The following HCRTR2 variants were observed in gnomAD, a reference collection of about 807,000 sequenced individuals.
The protein encoded by HCRTR2 is hypocretin receptor 2.
A neutral mutation model predicts 49.0 loss-of-function variants in HCRTR2; 22 were observed. That is an observed-to-expected ratio of 0.45 (90% CI 0.32 to 0.64). HCRTR2 has a LOEUF of 0.64. HCRTR2 is among the 30% of genes least tolerant of loss of function. The probability of loss-of-function intolerance (pLI) is 0.04; values close to 1 mark genes in which losing one functional copy is unlikely to be tolerated. For synonymous variants in HCRTR2, 236 were observed against 205.3 expected (o/e 1.15, Z -1.28); for missense variants, 491 against 559.4 (o/e 0.88, Z 1.23).
intron 4 of HCRTR2, among the ~76,000 whole-genome samples, chr6:55,270,897 G>A (rs928624548): frequency 1.3e-5 from 2 of 152,076 alleles, no homozygotes; most frequent in Non-Finnish European, 2.9e-5. Context: ...AAAACTTAAA[G>A]AAGGACTACC....
intron 1 of HCRTR2, among the ~76,000 whole-genome samples, chr6:55,184,353 T>C (rs1765182278): frequency 6.6e-6 from 1 of 152,248 alleles, no homozygotes; most frequent in Admixed American, 6.5e-5. Flanking sequence ...ATCATTTTTA[T>C]GATTAGTTAC....
chr6:55,273,318 G>A (rs1767011000), intron 4 of HCRTR2, among the ~76,000 whole-genome samples: 1 of 152,038 alleles, frequency 6.6e-6, no homozygotes, highest in East Asian at 1.9e-4. Context: ...GATGAAATGG[G>A]TAATAGGTTA....
intron 1 of HCRTR2, among the ~76,000 whole-genome samples, chr6:55,146,385 G>T (rs1322572073): frequency 6.6e-6 from 1 of 151,982 alleles, no homozygotes; most frequent in Non-Finnish European, 1.5e-5. Flanking sequence ...TACTAAAAAA[G>T]ACTTGCAGGC....
At chr6:55,205,124 A>G (rs9464206) in intron 1 of HCRTR2, among the ~76,000 whole-genome samples, 4,215 of 152,212 alleles carry the variant, frequency 0.028, 187 homozygotes, top group African/African-American at 0.096. Flanking sequence ...CTATTCGATA[A>G]CCAAGTAAAG....
intron 1 of HCRTR2, among the ~76,000 whole-genome samples, chr6:55,218,573 T>C (rs1008143656): frequency 6.6e-6 from 1 of 152,192 alleles, no homozygotes; most frequent in Non-Finnish European, 1.5e-5. Flanking sequence ...AAGAAAGTAT[T>C]CCATGTGAAT....
rs754234496 is a variant in HCRTR2 at position 55,108,711 on chromosome 6, G to T, written c.-378+2166G>T. Among the ~76,000 whole-genome samples, 70 of 152,122 alleles carry T rather than the reference G, an allele frequency of 4.6e-4. 1 individual carries two copies. The highest frequency in any genetic ancestry group is 8.5e-4 in the Non-Finnish European group (58 of 67,988). Reference sequence around the variant, plus strand: ...CTGACTTTATTTCACAGGTGTCCTTGGGGAGGGCTGCCAGTGGAATTGGGG... The same window carrying T: ...CTGACTTTATTTCACAGGTGTCCTTTGGGAGGGCTGCCAGTGGAATTGGGG... On this transcript the variant is annotated intron_variant, in intron 1 of 7. Transcript: ENST00000615358.
chr6:55,181,881 CATAAA>C (rs1299665244), intron 1 of HCRTR2, among the ~76,000 whole-genome samples: 1 of 152,150 alleles, frequency 6.6e-6, no homozygotes, highest in African/African-American at 2.4e-5. Context: ...ACTTGTTAAA[CATAAA>C]ATAATAATTT....
intron 1 of HCRTR2, among the ~76,000 whole-genome samples, chr6:55,109,777 A>G (rs1475115904): frequency 6.6e-6 from 1 of 152,224 alleles, no homozygotes; most frequent in Non-Finnish European, 1.5e-5. Context: ...AGAGAAATCT[A>G]AAAGTTTGTA....
intron 1 of HCRTR2, among the ~76,000 whole-genome samples, chr6:55,225,112 A>G (rs1765976992): frequency 6.6e-6 from 1 of 152,168 alleles, no homozygotes; most frequent in Non-Finnish European, 1.5e-5. Flanking sequence ...GTTGTACATG[A>G]CAAATATATA....
intron 3 of HCRTR2, among the ~76,000 whole-genome samples, chr6:55,260,884 C>A (rs760595319): frequency 6.6e-6 from 1 of 152,206 alleles, no homozygotes; most frequent in African/African-American, 2.4e-5. Context: ...TATCACAAAT[C>A]TGATCACATA....
At chr6:55,174,083 A>G (rs1363767013), upstream of HCRTR2, 1 of 197,260 alleles carries the variant, frequency 5.1e-6, no homozygotes, top group South Asian at 9.2e-5. Context: ...ATGTCTGTGC[A>G]TGGTTTATAA....
At chr6:55,246,855 A>G (rs1766454653) in intron 1 of HCRTR2, among the ~76,000 whole-genome samples, 1 of 152,130 alleles carries the variant, frequency 6.6e-6, no homozygotes, top group African/African-American at 2.4e-5. Context: ...AGTAATGACT[A>G]AAGAAAGAAG....
At chr6:55,265,207 T>C (rs1301418130) in intron 4 of HCRTR2, among the ~76,000 whole-genome samples, 1 of 152,166 alleles carries the variant, frequency 6.6e-6, no homozygotes, top group East Asian at 1.9e-4. Context: ...TTCTAGATGT[T>C]GGTGACAGTT....
At chr6:55,124,237 C>A (rs1764242844) in intron 1 of HCRTR2, among the ~76,000 whole-genome samples, 1 of 152,260 alleles carries the variant, frequency 6.6e-6, no homozygotes, top group Non-Finnish European at 1.5e-5. Flanking sequence ...TTTCTGCTTT[C>A]TCTTCTGGGC....
intron 1 of HCRTR2, among the ~76,000 whole-genome samples, chr6:55,120,928 T>C (rs1457905355): frequency 6.6e-6 from 1 of 152,096 alleles, no homozygotes; most frequent in African/African-American, 2.4e-5. Context: ...AGCTTTGTTC[T>C]TTTGGCTTAG....
intron 1 of HCRTR2, among the ~76,000 whole-genome samples, chr6:55,143,832 G>A (rs1442818952): frequency 6.6e-6 from 1 of 152,184 alleles, no homozygotes; most frequent in African/African-American, 2.4e-5. Flanking sequence ...CAGGTAGCCT[G>A]GTGCCAGGTC....
chr6:55,178,708 T>C (rs1472397215), intron 1 of HCRTR2, among the ~76,000 whole-genome samples: 1 of 152,210 alleles, frequency 6.6e-6, no homozygotes, highest in Non-Finnish European at 1.5e-5. Context: ...GTGAATAAAA[T>C]GGTGTTGGCA....
intron 1 of HCRTR2, among the ~76,000 whole-genome samples, chr6:55,160,521 A>G (rs1192983762): frequency 6.6e-6 from 1 of 152,228 alleles, no homozygotes; most frequent in Non-Finnish European, 1.5e-5. Flanking sequence ...AACTGCCCCA[A>G]TTAAGAGACA....
At chr6:55,174,176 A>G (rs894995597), upstream of HCRTR2, 1 of 203,848 alleles carries the variant, frequency 4.9e-6, no homozygotes, top group Non-Finnish European at 1.0e-5. Context: ...AAAACAGATT[A>G]AATTAGTTTT....
Sources: allele counts gnomAD v4.1 joint callset (sites outside exome capture counted in the v4.1 genomes callset), GRCh38; gene constraint gnomAD v4.1.1; transcripts MANE v1.5; gene names NCBI Gene and HGNC (gene_info 2026-07-23, HGNC 2026-07-21).